IGFBP7: variants seen among roughly 807,000 people sequenced by gnomAD.
The protein encoded by IGFBP7 is insulin like growth factor binding protein 7, also known as insulin-like growth factor-binding protein 7.
A neutral mutation model predicts 29.4 loss-of-function variants in IGFBP7; 31 were observed. The observed-to-expected ratio is 1.05, with a 90% CI of 0.79 to 1.42. The LOEUF (loss-of-function observed/expected upper bound fraction) is 1.42. Among genes scored for constraint, IGFBP7 ranks in the 40% most tolerant of loss-of-function variants. The probability of loss-of-function intolerance (pLI) is 0.00; values close to 1 mark genes in which losing one functional copy is unlikely to be tolerated. For missense variants in IGFBP7, 393 were observed against 395.5 expected (o/e 0.99, Z 0.05); for synonymous variants, 172 against 174.9 (o/e 0.98, Z 0.13).
chr4:57,061,372 G>A (rs749971500), intron 1 of IGFBP7, among the ~76,000 whole-genome samples: 1 of 152,064 alleles, frequency 6.6e-6, no homozygotes. Flanking sequence ...ATTAGGCACG[G>A]TAAGAGATTA....
rs750283585 is a variant in IGFBP7 at position 57,110,138 on chromosome 4, C to T, written c.214G>A (p.Gly72Arg). The T allele has an allele frequency of 4.1e-5, 61 of 1,491,830 alleles. No homozygotes were observed. The highest frequency in any genetic ancestry group is 5.2e-5 in the Non-Finnish European group (59 of 1,128,110). 92.4% of individuals were successfully genotyped at this position (1,491,830 alleles called of 1,614,324 possible). Residue 72 changes from glycine to arginine, a missense_variant, in exon 1 of 5, where the codon GGG becomes AGG. By Grantham distance (125) the Gly-to-Arg change is moderately radical. Transcript: ENST00000295666. Reference sequence around the variant, plus strand: ...TACCCCCTGCCGGCGCCGCCACCCCCGCACGGCTCGCCCTCGCCGCGGGCG... The same window carrying T: ...TACCCCCTGCCGGCGCCGCCACCCCTGCACGGCTCGCCCTCGCCGCGGGCG... ...MCARGEGEPC[G>R]GGGAGRGYCA... is the part of the protein sequence containing the mutation.
At chr4:57,078,350 ACCT>A (rs1487370361) in intron 1 of IGFBP7, among the ~76,000 whole-genome samples, 1 of 152,128 alleles carries the variant, frequency 6.6e-6, no homozygotes, top group Non-Finnish European at 1.5e-5. Flanking sequence ...AAAGCTAGAC[ACCT>A]CCTAACCACT....
chr4:57,044,135 T>C (rs1724300551), intron 1 of IGFBP7, among the ~76,000 whole-genome samples: 1 of 152,094 alleles, frequency 6.6e-6, no homozygotes, highest in Non-Finnish European at 1.5e-5. Flanking sequence ...GCAAGACAAT[T>C]TTATTGTGAG....
At chr4:57,081,078 C>G (rs1725355953) in intron 1 of IGFBP7, among the ~76,000 whole-genome samples, 1 of 152,322 alleles carries the variant, frequency 6.6e-6, no homozygotes, top group Non-Finnish European at 1.5e-5. Context: ...GGAGCTTCCC[C>G]CTTTTGTCAG....
At chr4:57,090,339 C>T (rs1362225154) in intron 1 of IGFBP7, among the ~76,000 whole-genome samples, 1 of 152,106 alleles carries the variant, frequency 6.6e-6, no homozygotes, top group East Asian at 1.9e-4. Context: ...TGAAGTTAGG[C>T]TTTCTAGTTC....
At chr4:57,055,946 G>A (rs2109760391) in intron 1 of IGFBP7, among the ~76,000 whole-genome samples, 1 of 152,236 alleles carries the variant, frequency 6.6e-6, no homozygotes, top group East Asian at 1.9e-4. Flanking sequence ...ATGGAGCAGA[G>A]CGCAGGGCGT....
At chr4:57,083,895 C>A (rs909844878) in intron 1 of IGFBP7, among the ~76,000 whole-genome samples, 2 of 151,972 alleles carry the variant, frequency 1.3e-5, no homozygotes, top group African/African-American at 4.8e-5. Flanking sequence ...AAGAATTTTT[C>A]TTTTCTATTT....
chr4:57,046,181 G>A (rs888702371), intron 1 of IGFBP7, among the ~76,000 whole-genome samples: 15 of 152,036 alleles, frequency 9.9e-5, no homozygotes, highest in Admixed American at 3.3e-4. Flanking sequence ...AAATGTTTTC[G>A]GTGGATACAA....
intron 1 of IGFBP7, among the ~76,000 whole-genome samples, chr4:57,099,943 C>T (rs1337292921): frequency 6.6e-6 from 1 of 152,098 alleles, no homozygotes; most frequent in Non-Finnish European, 1.5e-5. Flanking sequence ...CACTATGTTG[C>T]CAGGGTTGGT....
At chr4:57,072,324 G>A (rs1725071317) in intron 1 of IGFBP7, among the ~76,000 whole-genome samples, 1 of 152,064 alleles carries the variant, frequency 6.6e-6, no homozygotes, top group African/African-American at 2.4e-5. Context: ...CAAAAGACAC[G>A]ATCTCATTCT....
chr4:57,032,360 TAGTTC>T, intron 4 of IGFBP7, 61 bp downstream of exon 4: 3 of 1,587,732 alleles, frequency 1.9e-6, no homozygotes, highest in Non-Finnish European at 2.6e-6. Flanking sequence ...CTTTCATACT[TAGTTC>T]TGTTCTTTTT....
At chr4:57,041,580 G>A (rs1476793553) in intron 1 of IGFBP7, among the ~76,000 whole-genome samples, 1 of 151,994 alleles carries the variant, frequency 6.6e-6, no homozygotes, top group African/African-American at 2.4e-5. Context: ...CTGCCACCCA[G>A]GCTGGAGCGC....
At chr4:57,074,012 C>T (rs541847488) in intron 1 of IGFBP7, among the ~76,000 whole-genome samples, 1 of 152,142 alleles carries the variant, frequency 6.6e-6, no homozygotes, top group South Asian at 2.1e-4. Flanking sequence ...AAACTCTGCC[C>T]ATCGTACTTT....
rs143011729 is a variant in IGFBP7 at position 57,040,491 on chromosome 4, C to T, written c.585+333G>A. On this transcript the variant is annotated intron_variant, in intron 2 of 4. Coordinates refer to ENST00000295666, the MANE Select transcript of IGFBP7 (RefSeq NM_001553.3). ...TATGCTATACTGTCTCCACTGAGGG[C>T]GCAAACACAGACACACACACTTTCA... is the stretch of plus-strand genomic sequence containing the variant. 1.0e-3 allele frequency among the ~76,000 whole-genome samples: 157 copies of T among 152,244 alleles called. 2 individuals are homozygous for T. Among genetic ancestry groups the T allele is most frequent in the African/African-American group, 3.2e-3 (133 of 41,550 alleles).
chr4:57,035,463 T>C (rs1724059475), intron 2 of IGFBP7, among the ~76,000 whole-genome samples: 1 of 148,848 alleles, frequency 6.7e-6, no homozygotes, highest in African/African-American at 2.5e-5. Context: ...ATGTGTTTTC[T>C]TTTTTTTTTG....
chr4:57,041,995 G>A (rs116178762), intron 1 of IGFBP7, among the ~76,000 whole-genome samples: 4,183 of 152,280 alleles, frequency 0.027, 172 homozygotes, highest in African/African-American at 0.082. Context: ...CCCTTTCCCA[G>A]CGTTCTCAGT....
chr4:57,042,870 C>A (rs1724264850), intron 1 of IGFBP7, among the ~76,000 whole-genome samples: 1 of 152,210 alleles, frequency 6.6e-6, no homozygotes, highest in South Asian at 2.1e-4. Flanking sequence ...CTGCTCTAAT[C>A]AACTGAGGGA....
intron 1 of IGFBP7, among the ~76,000 whole-genome samples, chr4:57,107,320 A>G (rs995518695): frequency 6.6e-6 from 1 of 152,184 alleles, no homozygotes; most frequent in Non-Finnish European, 1.5e-5. Flanking sequence ...TGCTGCCCCT[A>G]CCTGGCCCCT....
intron 1 of IGFBP7, among the ~76,000 whole-genome samples, chr4:57,106,135 T>C (rs2109808480): frequency 6.6e-6 from 1 of 152,248 alleles, no homozygotes; most frequent in South Asian, 2.1e-4. Flanking sequence ...CTCGATCTCC[T>C]GATCTCGTGA....
Sources: allele counts gnomAD v4.1 joint callset (sites outside exome capture counted in the v4.1 genomes callset), GRCh38; gene constraint gnomAD v4.1.1; transcripts MANE v1.5; gene names NCBI Gene and HGNC (gene_info 2026-07-23, HGNC 2026-07-21).